The following SLC39A6 variants were observed in gnomAD, a reference collection of about 807,000 sequenced individuals.
SLC39A6 encodes the protein solute carrier family 39 member 6.
Under a neutral mutation model 63.5 loss-of-function variants are expected in SLC39A6, and 51 were observed. The ratio of observed to expected loss-of-function variants is 0.80; its 90% CI spans 0.64 to 1.01. SLC39A6 has a LOEUF of 1.01. Ranked by LOEUF, SLC39A6 falls within the 50% of genes least tolerant of loss-of-function variation. SLC39A6 has a pLI of 0.00. For synonymous variants in SLC39A6, 318 were observed against 324.7 expected (o/e 0.98, Z 0.22); for missense variants, 805 against 927.8 (o/e 0.87, Z 1.72).
chr18:36,120,726 C>A (rs974616662), intron 5 of SLC39A6, among the ~76,000 whole-genome samples: 7 of 152,116 alleles, frequency 4.6e-5, no homozygotes, highest in Non-Finnish European at 1.0e-4. Flanking sequence ...CTCCTGGCCT[C>A]AAGCAATCCT....
In SLC39A6 at chr18:36,126,614, G is replaced by A. The variant is rs769836007; in HGVS notation, c.394C>T (p.His132Tyr). 31 of 1,614,058 alleles carry A rather than the reference G, an allele frequency of 1.9e-5. No homozygotes were observed. The highest frequency in any genetic ancestry group is 2.5e-5 in the Non-Finnish European group (30 of 1,180,012). Residue 132 changes from histidine (H) to tyrosine (Y), a missense_variant, in exon 2 of 10, where the codon CAT becomes TAT. This residue lies in a region of SLC39A6 where 639 missense variants were observed against 644.0 expected (regional missense o/e 0.99). Transcript: ENST00000269187. ...TTTTTACCAGAAGCAGCATGATTAT[G>A]GTGAGAGTGATGATCATGGTCAGAG... ...HHSDHDHHSH[H>Y]NHAASGKNKR...
chr18:36,121,260 A>G (rs1453204086), intron 5 of SLC39A6, among the ~76,000 whole-genome samples: 1 of 152,048 alleles, frequency 6.6e-6, no homozygotes, highest in Non-Finnish European at 1.5e-5. Context: ...AAGTTCAAAC[A>G]ATTCTTGTGC....
intron 6 of SLC39A6, among the ~76,000 whole-genome samples, chr18:36,115,250 G>A (rs1281891960): frequency 6.6e-6 from 1 of 152,062 alleles, no homozygotes; most frequent in Non-Finnish European, 1.5e-5. Context: ...GACCATCCTG[G>A]CTAACATGGT....
chr18:36,116,685 T>A lies in SLC39A6; in HGVS notation c.1454A>T (p.Asp485Val), dbSNP rs987494838. The change falls in exon 6 of 10, where the codon GAT (aspartate) becomes GTT (valine). Residue 485 changes from aspartate (D) to valine (V), a missense_variant. Transcript: ENST00000269187. Reference sequence around the variant, plus strand: ...GCATAAGAACTTACGATCATCTGTATCTACTTTCTCCTCATTTGTTGAAAG... The same window carrying A: ...GCATAAGAACTTACGATCATCTGTAACTACTTTCTCCTCATTTGTTGAAAG... ...SQLSTNEEKVDTDDRTEGYLR... is the reference protein window; with the variant it reads ...SQLSTNEEKVVTDDRTEGYLR... 8 of 1,607,218 alleles carry A rather than the reference T, an allele frequency of 5.0e-6. No individual in the cohort carries two copies. In the Admixed American group the frequency reaches 6.7e-5, roughly 13 times the overall value.
In SLC39A6 at chr18:36,108,780, C is replaced by A. The variant is rs535895988; in HGVS notation, c.*813G>T. 6.6e-6 allele frequency: 1 copy of A among 152,266 alleles called. No individual in the cohort carries two copies. Among genetic ancestry groups the A allele is most frequent in the East Asian group, 1.9e-4 (1 of 5,184 alleles). The allele number at this position is 152,266 out of a possible 1,614,324, so 9.4% of individuals were successfully genotyped here. ...AAACCAGGTAACCAGAACATCCAGTCATACAGCTTTTGGTGATATATAACT... is the reference window on the plus strand; with the variant it reads ...AAACCAGGTAACCAGAACATCCAGTAATACAGCTTTTGGTGATATATAACT... On this transcript the variant is annotated 3_prime_UTR_variant, in exon 10 of 10. Transcript: ENST00000269187.
chr18:36,122,800 A>C (rs1055864731), intron 4 of SLC39A6, among the ~76,000 whole-genome samples: 1 of 152,146 alleles, frequency 6.6e-6, no homozygotes, highest in African/African-American at 2.4e-5. Flanking sequence ...CACAGAGTAC[A>C]CCCCATACAC....
chr18:36,109,582 T>G lies in SLC39A6; in HGVS notation c.*11A>C. 1 of 1,599,046 alleles carries G rather than the reference T, an allele frequency of 6.3e-7. No individual in the cohort carries two copies. The highest frequency in any genetic ancestry group is 8.6e-7 in the Non-Finnish European group (1 of 1,168,246). On this transcript the variant is annotated 3_prime_UTR_variant, in exon 10 of 10. Transcript: ENST00000269187. ...ACAACTTTTTAAGCTACTCTAGCAT[T>G]TAAACCTTAACTAGAAATTTATACG...
chr18:36,127,402 G>A (rs2089448600), intron 1 of SLC39A6, among the ~76,000 whole-genome samples: 1 of 152,080 alleles, frequency 6.6e-6, no homozygotes, highest in Non-Finnish European at 1.5e-5. Context: ...GGCTGGGTGT[G>A]GTGGCTCATG....
At position 36,126,650 on chromosome 18, in the gene SLC39A6, G is replaced by GGT. The variant is rs762661887; in HGVS notation, c.357_358insAC (p.His120ThrfsTer69). On this transcript the variant is annotated frameshift_variant, in exon 2 of 10. Transcript: ENST00000269187. LOFTEE classifies it high-confidence loss of function. ...TGATCATGGTCAGAGTGATGCTCGTGCTCTGAGTGATGCTCATGGTCTGAG... is the reference window on the plus strand; with the variant it reads ...TGATCATGGTCAGAGTGATGCTCGTGGTCTCTGAGTGATGCTCATGGTCTGAG... 82 of 1,596,774 alleles carry GGT rather than the reference G, an allele frequency of 5.1e-5. No individual in the cohort carries two copies. Among genetic ancestry groups the GGT allele is most frequent in the South Asian group, 1.6e-4 (14 of 88,836 alleles).
intron 1 of SLC39A6, among the ~76,000 whole-genome samples, 157 bp from the exon 2 acceptor site, chr18:36,127,173 G>A (rs2089447047): frequency 6.6e-6 from 1 of 152,214 alleles, no homozygotes; most frequent in Non-Finnish European, 1.5e-5. Flanking sequence ...AAGATGGAAA[G>A]AACTAGAGTC....
At chr18:36,114,813 A>T (rs1418655941) in intron 6 of SLC39A6, among the ~76,000 whole-genome samples, 3 of 152,158 alleles carry the variant, frequency 2.0e-5, no homozygotes, top group Non-Finnish European at 4.4e-5. Context: ...TTTAGAAAAC[A>T]TGTTATGTTA....
At chr18:36,109,810 T>A in intron 9 of SLC39A6, 65 bp from the exon 10 acceptor site, 1 of 1,348,866 alleles carries the variant, frequency 7.4e-7, no homozygotes, top group Non-Finnish European at 1.0e-6. Flanking sequence ...GATTAGTTTT[T>A]AGAAAAATTT....
At chr18:36,122,330 GT>G (rs2089401592) in intron 4 of SLC39A6, 60 bp from the exon 5 acceptor site, 2 of 1,344,088 alleles carry the variant, frequency 1.5e-6, no homozygotes, top group Non-Finnish European at 2.1e-6. Flanking sequence ...GAGTCAGAAA[GT>G]TGGCTAGGTA....
chr18:36,110,431 C>T (rs988993946), intron 9 of SLC39A6, among the ~76,000 whole-genome samples: 106 of 100,876 alleles, frequency 1.1e-3, no homozygotes, highest in African/African-American at 3.8e-3. Context: ...GTGTGATCAA[C>T]AATCCAAAAA....
In SLC39A6 at chr18:36,126,372, T is replaced by C; in HGVS notation, c.636A>G (p.Lys212=). 6.2e-7 allele frequency: 1 copy of C among 1,613,936 alleles called. No individual in the cohort carries two copies. The highest frequency in any genetic ancestry group is 2.2e-5 in the East Asian group (1 of 44,874). Residue 212 remains lysine, a synonymous_variant, in exon 2 of 10, where the codon AAA becomes AAG. Coordinates refer to ENST00000269187, the MANE Select transcript of SLC39A6 (RefSeq NM_012319.4). ...LETIETPRPG[K]LFPKDVSSST... ...AGCTGCTTACATCTTTGGGGAAGAG[T>C]TTTCCAGGTCTTGGAGTCTCTATTG... is the stretch of plus-strand genomic sequence containing the variant.
chr18:36,116,575 C>G (rs1254050051), intron 6 of SLC39A6, 99 bp downstream of exon 6: 1 of 788,248 alleles, frequency 1.3e-6, no homozygotes, highest in Non-Finnish European at 2.1e-6. Context: ...AAACCAAAAC[C>G]AAGGGACATG....
At chr18:36,116,861 AAC>A in intron 5 of SLC39A6, 82 bp from the exon 6 acceptor site, 1 of 881,676 alleles carries the variant, frequency 1.1e-6, no homozygotes, top group Non-Finnish European at 1.8e-6. Context: ...AGGTAAGCAA[AAC>A]ACACAGAATG....
chr18:36,112,632 T>C lies in SLC39A6; in HGVS notation c.1844-51A>G, dbSNP rs371346749. On this transcript the variant is annotated intron_variant, in intron 7 of 9. Coordinates refer to ENST00000269187, the MANE Select transcript of SLC39A6 (RefSeq NM_012319.4). Reference sequence around the variant, plus strand: ...TTTGGCTACATTAATTTGTGTTTTTTAATCTTATCAGTATGCAAAATGAGG... The same window carrying C: ...TTTGGCTACATTAATTTGTGTTTTTCAATCTTATCAGTATGCAAAATGAGG... 42 of 1,409,594 alleles carry C rather than the reference T, an allele frequency of 3.0e-5. 1 individual carries two copies. The East Asian group carries it at 3.2e-4, about 11-fold the overall frequency. 87.3% of individuals were successfully genotyped at this position (1,409,594 alleles called of 1,614,324 possible).
intron 2 of SLC39A6, 103 bp downstream of exon 2, chr18:36,126,116 C>T (rs2089434731): frequency 8.5e-7 from 1 of 1,173,800 alleles, no homozygotes; most frequent in Non-Finnish European, 1.2e-6. Flanking sequence ...TCAATAACTT[C>T]AACATTTTAC....
Sources: gnomAD v4.1 joint callset for allele counts (sites outside exome capture counted in the v4.1 genomes callset) on GRCh38, gnomAD v4.1.1 for gene constraint, gnomAD v4.1.1 regional missense constraint, MANE v1.5 for transcripts, NCBI Gene and HGNC (gene_info 2026-07-23, HGNC 2026-07-21) for gene names.